TMEM232: variants seen among roughly 807,000 people sequenced by gnomAD.
The protein encoded by TMEM232 is transmembrane protein 232.
A neutral mutation model predicts 78.8 loss-of-function variants in TMEM232; 80 were observed. That is an observed-to-expected ratio of 1.01 (90% confidence interval 0.85 to 1.22). The LOEUF (loss-of-function observed/expected upper bound fraction) is 1.22, where lower values mean the gene tolerates loss of function less well. TMEM232 is among the 50% of genes most tolerant of loss of function. TMEM232 has a pLI of 0.00. For synonymous variants in TMEM232, 297 were observed against 254.3 expected, an observed-to-expected ratio of 1.17 and a Z score of -1.60; for missense variants, 881 against 742.2, an observed-to-expected ratio of 1.19 and a Z score of -2.17.
At chr5:110,447,177 T>G (rs1324610020) in intron 12 of TMEM232, among the ~76,000 whole-genome samples, 1 of 151,348 alleles carries the variant, frequency 6.6e-6, no homozygotes, top group Non-Finnish European at 1.5e-5. Context: ...ATAATTAGCT[T>G]TTGCAGGTCA....
At chr5:110,482,396 C>A (rs1489288648) in intron 12 of TMEM232, among the ~76,000 whole-genome samples, 2 of 152,036 alleles carry the variant, frequency 1.3e-5, no homozygotes, top group African/African-American at 2.4e-5. Flanking sequence ...GCCTGGCCAA[C>A]ATGGCAAAAC....
intron 1 of TMEM232, among the ~76,000 whole-genome samples, chr5:110,714,020 T>G (rs1257205155): frequency 6.6e-6 from 1 of 152,170 alleles, no homozygotes; most frequent in Non-Finnish European, 1.5e-5. Context: ...AACTATTCCT[T>G]GACTTGGTTG....
intron 12 of TMEM232, among the ~76,000 whole-genome samples, chr5:110,469,098 C>T (rs1316307774): frequency 2.0e-5 from 3 of 152,136 alleles, no homozygotes; most frequent in Non-Finnish European, 2.9e-5. Context: ...TTCAGCAATC[C>T]TCATGAGAAT....
rs555829964 is a variant in TMEM232 at position 110,647,067 on chromosome 5, T to C, written c.126-4696A>G. 3.9e-5 allele frequency among the ~76,000 whole-genome samples: 6 copies of C among 151,982 alleles called. No individual in the cohort carries two copies. The South Asian group carries it at 1.2e-3, about 31-fold the overall frequency. On this transcript the variant is annotated intron_variant, in intron 2 of 13. Coordinates refer to ENST00000455884, the MANE Select transcript of TMEM232 (RefSeq NM_001039763.4). ...TTCCAGAGAGTTATAATTCATTTTA[T>C]GCATTTTTTGCAAATTTGCCTACAC...
At chr5:110,736,922 A>G (rs1373462191) in intron 1 of TMEM232, among the ~76,000 whole-genome samples, 2 of 151,152 alleles carry the variant, frequency 1.3e-5, no homozygotes, top group African/African-American at 2.4e-5. Context: ...CTTCTCCCAC[A>G]TATTCACAAA....
chr5:110,638,240 G>T lies in TMEM232; in HGVS notation c.459C>A (p.Ser153=), dbSNP rs2150003521. Residue 153 remains serine, a synonymous_variant, in exon 5 of 14, where the codon TCC becomes TCA. Coordinates refer to ENST00000455884, the MANE Select transcript of TMEM232 (RefSeq NM_001039763.4). ...SVLYRLCCDA[S]LKTYLYSVEI... The stretch of plus-strand genomic sequence containing the variant: ...CAACTGAATATAAATATGTTTTGAG[G>T]GATGCATCACAACACAGTCTGTATA... 5 of 1,548,828 alleles carry T rather than the reference G, an allele frequency of 3.2e-6. No homozygotes were observed. The South Asian group carries it at 6.0e-5, about 19-fold the overall frequency.
intron 5 of TMEM232, among the ~76,000 whole-genome samples, chr5:110,628,632 C>G (rs548933434): frequency 6.6e-6 from 1 of 150,946 alleles, no homozygotes; most frequent in Non-Finnish European, 1.5e-5. Context: ...GTGGAGAAGA[C>G]CCAAATAACA....
At chr5:110,485,359 ATGAG>A (rs1353354462) in intron 12 of TMEM232, among the ~76,000 whole-genome samples, 2 of 152,254 alleles carry the variant, frequency 1.3e-5, no homozygotes, top group East Asian at 1.9e-4. Flanking sequence ...ATTTGGTTAC[ATGAG>A]TAAGTTGGTG....
chr5:110,659,141 G>C (rs1302620863), intron 2 of TMEM232, among the ~76,000 whole-genome samples: 1 of 152,078 alleles, frequency 6.6e-6, no homozygotes, highest in Admixed American at 6.6e-5. Context: ...TGTTAGGAAA[G>C]GAGTCAAGTC....
chr5:110,715,068 C>T (rs761362251), intron 1 of TMEM232, among the ~76,000 whole-genome samples: 1 of 151,720 alleles, frequency 6.6e-6, no homozygotes, highest in Non-Finnish European at 1.5e-5. Flanking sequence ...CTATTTTTGC[C>T]CCTTCATTCA....
chr5:110,680,718 G>T (rs971691865), intron 1 of TMEM232, among the ~76,000 whole-genome samples: 2 of 151,788 alleles, frequency 1.3e-5, no homozygotes, highest in African/African-American at 4.8e-5. Flanking sequence ...AAAAAAAATA[G>T]AAAATAATTA....
intron 1 of TMEM232, among the ~76,000 whole-genome samples, chr5:110,726,265 T>C (rs1214199290): frequency 1.3e-5 from 2 of 152,172 alleles, no homozygotes; most frequent in Admixed American, 6.5e-5. Context: ...AAGACTGGTC[T>C]TCTGAATTCA....
At chr5:110,546,552 G>T (rs1295571159) in intron 11 of TMEM232, among the ~76,000 whole-genome samples, 1 of 152,052 alleles carries the variant, frequency 6.6e-6, no homozygotes, top group Non-Finnish European at 1.5e-5. Context: ...ATAACAAAAG[G>T]TTTTTGAAGC....
At chr5:110,499,633 C>G (rs200292540) in intron 12 of TMEM232, among the ~76,000 whole-genome samples, 1 of 113,202 alleles carries the variant, frequency 8.8e-6, no homozygotes, top group African/African-American at 4.8e-5. Flanking sequence ...ATACACCCCC[C>G]CCCACACACA....
rs796085346 is a variant in TMEM232 at position 110,640,915 on chromosome 5, G to A, written c.319C>T (p.Gln107Ter). The change falls in exon 4 of 14, where the codon CAA becomes TAA. Residue 107 changes from glutamine to a stop codon, truncating the protein, a stop_gained. Transcript: ENST00000455884. LOFTEE classifies it high-confidence loss of function. The stretch of plus-strand genomic sequence containing the variant: ...CCATCTTGGATTTCCCCTTTGCATT[G>A]AGCCAGATATATTACTTCAGTCCAT... ...AAWTEVIYLA[Q>*]CKGEIQDESL... is the part of the protein sequence containing the mutation. The A allele has an allele frequency of 3.3e-6, 5 of 1,538,136 alleles. No individual in the cohort carries two copies. Among genetic ancestry groups the A allele is most frequent in the East Asian group, 2.5e-5 (1 of 40,358 alleles).
At chr5:110,558,345 C>T (rs931333921) in intron 11 of TMEM232, among the ~76,000 whole-genome samples, 6 of 152,010 alleles carry the variant, frequency 3.9e-5, no homozygotes, top group South Asian at 2.1e-4. Context: ...TGTGACAGTG[C>T]GCATGCCAGA....
At chr5:110,594,215 C>T (rs1424572819) in intron 10 of TMEM232, among the ~76,000 whole-genome samples, 1 of 151,948 alleles carries the variant, frequency 6.6e-6, no homozygotes, top group Non-Finnish European at 1.5e-5. Flanking sequence ...TGGGGAACTA[C>T]CTTCCCTAGC....
At chr5:110,672,536 G>GA (rs1433802612) in intron 1 of TMEM232, among the ~76,000 whole-genome samples, 3 of 151,812 alleles carry the variant, frequency 2.0e-5, no homozygotes, top group African/African-American at 7.3e-5. Context: ...AGAGTAATGG[G>GA]AAAAAATAGC....
chr5:110,690,903 T>G (rs1334457360), intron 1 of TMEM232, among the ~76,000 whole-genome samples: 2 of 151,664 alleles, frequency 1.3e-5, no homozygotes, highest in African/African-American at 2.4e-5. Flanking sequence ...ATGTTCTCAC[T>G]CATAAGTGGG....
Sources: gnomAD v4.1 joint callset for allele counts (sites outside exome capture counted in the v4.1 genomes callset) on GRCh38, gnomAD v4.1.1 for gene constraint, MANE v1.5 for transcripts, NCBI Gene and HGNC (gene_info 2026-07-23, HGNC 2026-07-21) for gene names.